ARMC6: variants seen among roughly 807,000 people sequenced by gnomAD.
ARMC6 encodes armadillo repeat-containing protein 6.
Under a neutral mutation model 49.2 loss-of-function variants are expected in ARMC6, and 43 were observed. That is an observed-to-expected ratio of 0.87 (90% confidence interval 0.69 to 1.13). The LOEUF is 1.13. Among genes scored for constraint, ARMC6 ranks in the 50% most tolerant of loss-of-function variants. The pLI, the probability that ARMC6 is intolerant of heterozygous loss-of-function variation, is 0.00. For synonymous variants in ARMC6, 262 were observed against 289.6 expected (o/e 0.90, Z 0.97); for missense variants, 627 against 682.0 (o/e 0.92, Z 0.90).
intron 4 of ARMC6, among the ~76,000 whole-genome samples, chr19:19,050,720 T>C (rs887009451): frequency 3.9e-5 from 6 of 152,244 alleles, no homozygotes; most frequent in African/African-American, 7.2e-5. Flanking sequence ...TCCTGTTGCA[T>C]TGTAACATAT....
At chr19:19,036,796 G>A (rs951617258) in intron 2 of ARMC6, among the ~76,000 whole-genome samples, 1 of 152,224 alleles carries the variant, frequency 6.6e-6, no homozygotes, top group Non-Finnish European at 1.5e-5. Flanking sequence ...TCCATATCCT[G>A]TTCTGAGGAA....
chr19:19,046,930 T>TTTTG (rs1555758325), intron 4 of ARMC6, among the ~76,000 whole-genome samples: 9 of 141,864 alleles, frequency 6.3e-5, no homozygotes, highest in African/African-American at 8.8e-5. Flanking sequence ...CTCACCTGTT[T>TTTTG]TTTTTTTTTT....
intron 4 of ARMC6, 120 bp from the exon 5 acceptor site, chr19:19,051,502 C>G: frequency 3.2e-6 from 3 of 929,310 alleles, no homozygotes; most frequent in South Asian, 3.3e-5. Context: ...TGCCCCACAT[C>G]ACTTCCACTG....
chr19:19,048,232 G>C lies in ARMC6; in HGVS notation c.280-3390G>C, dbSNP rs575296220. On this transcript the variant is annotated intron_variant, in intron 4 of 8. Coordinates refer to ENST00000535612, the MANE Select transcript of ARMC6 (RefSeq NM_001199196.2). ...ATGGTGGCAGGTGCCTGTAACTCCAGCTACTCAGGAGGCTGAGGTAGGAGA... is the reference window on the plus strand; with the variant it reads ...ATGGTGGCAGGTGCCTGTAACTCCACCTACTCAGGAGGCTGAGGTAGGAGA... Among the ~76,000 whole-genome samples, 19 of 152,302 alleles carry C rather than the reference G, an allele frequency of 1.2e-4. 1 individual carries two copies. The South Asian group carries it at 2.3e-3, about 18-fold the overall frequency.
At chr19:19,042,048 C>A (rs1454705697) in intron 2 of ARMC6, among the ~76,000 whole-genome samples, 1 of 151,758 alleles carries the variant, frequency 6.6e-6, no homozygotes. Flanking sequence ...CATGTGCCAC[C>A]ACACTCAGCT....
chr19:19,055,387 C>G lies in ARMC6; in HGVS notation c.1146C>G (p.Thr382=), dbSNP rs1221855739. The part of the protein sequence containing the change: ...SIVAAMTQHL[T]SPQVCEQSCA... ...TGGCTGCTATGACCCAGCATCTGAC[C>G]AGCCCCCAGGTACCCACCTCGGGGG... The change falls in exon 7 of 9, where the codon ACC becomes ACG. Residue 382 remains threonine, a synonymous_variant. Transcript: ENST00000535612. The surrounding 1 kb of genome is among the most constrained non-coding windows in gnomAD (Gnocchi z 5.7). The G allele has an allele frequency of 6.2e-7, 1 of 1,606,740 alleles. No homozygotes were observed. The highest frequency in any genetic ancestry group is 8.5e-7 in the Non-Finnish European group (1 of 1,176,548).
intron 3 of ARMC6, among the ~76,000 whole-genome samples, chr19:19,043,714 C>A (rs527818800): frequency 1.1e-4 from 17 of 152,248 alleles, no homozygotes; most frequent in African/African-American, 4.1e-4. Flanking sequence ...GCATGTGGCA[C>A]CTCACTGCAC....
At chr19:19,054,424 C>A in intron 6 of ARMC6, 103 bp downstream of exon 6, 1 of 1,260,312 alleles carries the variant, frequency 7.9e-7, no homozygotes, top group Non-Finnish European at 1.0e-6. Flanking sequence ...GTGTCGGAAC[C>A]AAAGTGCAGT....
chr19:19,037,583 C>A, intron 2 of ARMC6: 1 of 1,160,730 alleles, frequency 8.6e-7, no homozygotes, highest in Non-Finnish European at 1.1e-6. Flanking sequence ...CCAGGCTGGT[C>A]TCAAACTCCT....
intron 4 of ARMC6, among the ~76,000 whole-genome samples, chr19:19,051,336 G>A (rs757908004): frequency 8.6e-5 from 13 of 151,814 alleles, no homozygotes; most frequent in Middle Eastern, 3.4e-3. Context: ...GCAGCCCTTC[G>A]GCAGGGACAC....
At chr19:19,048,333 C>T (rs953347452) in intron 4 of ARMC6, among the ~76,000 whole-genome samples, 18 of 151,532 alleles carry the variant, frequency 1.2e-4, no homozygotes, top group Admixed American at 8.6e-4. Context: ...GTAACAAGAG[C>T]GAAATTGCAT....
Position 19,055,741 on chromosome 19 carries a change from T to TG in ARMC6, c.1156-44dup, listed in dbSNP as rs1371845037. 4 of 1,521,898 alleles carry TG rather than the reference T, an allele frequency of 2.6e-6. No individual in the cohort carries two copies. Among genetic ancestry groups the TG allele is most frequent in the African/African-American group, 1.4e-5 (1 of 73,178 alleles). The allele number at this position is 1,521,898 out of a possible 1,614,324, so 94.3% of individuals were successfully genotyped here. On this transcript the variant is annotated intron_variant, in intron 7 of 8. Transcript: ENST00000535612. This position sits in a 1 kb window ranked among gnomAD's most constrained non-coding sequence, Gnocchi z 5.7. The stretch of plus-strand genomic sequence containing the variant: ...GGTTGGTGGCCATGGCAGGATGTTG[T>TG]GGGGGGTCTATCTGCTGCATCTCAG...
At chr19:19,038,763 G>A (rs780710612) in intron 2 of ARMC6, among the ~76,000 whole-genome samples, 5 of 151,848 alleles carry the variant, frequency 3.3e-5, no homozygotes, top group Middle Eastern at 3.2e-3. Flanking sequence ...ACGGGGTTTC[G>A]CCATGTTGGT....
Position 19,037,092 on chromosome 19 carries a change from C to T in ARMC6, c.29+2854C>T, listed in dbSNP as rs984891514. On this transcript the variant is annotated intron_variant, in intron 2 of 8. Transcript: ENST00000535612. ...TCTCAGCTACTTGGAGGCTGAGGCA[C>T]AAGAATCGCTTGAACCCAGGAGGCA... 5.3e-5 allele frequency among the ~76,000 whole-genome samples: 8 copies of T among 152,022 alleles called. No homozygotes were observed. In the South Asian group the frequency reaches 6.2e-4, roughly 12 times the overall value.
At chr19:19,035,963 C>A (rs1027863928) in intron 2 of ARMC6, among the ~76,000 whole-genome samples, 1 of 152,114 alleles carries the variant, frequency 6.6e-6, no homozygotes, top group African/African-American at 2.4e-5. Context: ...CTTTGGTCAG[C>A]CTTTCACAGA....
chr19:19,047,392 C>T (rs570647748), intron 4 of ARMC6, among the ~76,000 whole-genome samples: 4 of 152,142 alleles, frequency 2.6e-5, no homozygotes, highest in African/African-American at 7.2e-5. Flanking sequence ...TTGTGATGGT[C>T]GTTGAAATTA....
At position 19,054,335 on chromosome 19, in the gene ARMC6, CT is replaced by C; in HGVS notation, c.1023+15del. On this transcript the variant is annotated intron_variant, in intron 6 of 8. Transcript: ENST00000535612. ...AGCGGCGTTCAGGTATGAAGTCCCC[CT>C]GGCCCATTGCGTGCTGTCCTTCTGG... The C allele has an allele frequency of 2.6e-6, 4 of 1,537,664 alleles. No homozygotes were observed. Among genetic ancestry groups the C allele is most frequent in the Middle Eastern group, 3.5e-4 (2 of 5,754 alleles).
At chr19:19,034,394 A>G (rs2059321546) in intron 2 of ARMC6, among the ~76,000 whole-genome samples, 156 bp downstream of exon 2, 1 of 152,106 alleles carries the variant, frequency 6.6e-6, no homozygotes, top group Admixed American at 6.6e-5. Context: ...GGTGCGGATA[A>G]GGAGGCTGGG....
Position 19,051,963 on chromosome 19 carries a change from G to A in ARMC6, c.621G>A (p.Leu207=), listed in dbSNP as rs1355078798. 7 of 1,614,050 alleles carry A rather than the reference G, an allele frequency of 4.3e-6. No homozygotes were observed. The African/African-American group carries it at 8.0e-5, about 18-fold the overall frequency. The part of the protein sequence containing the change: ...SGIRCVRHAC[L]KHEQNRQDLV... Reference sequence around the variant, plus strand: ...TCCGCTGTGTGCGTCACGCTTGCCTGAAACATGAACAGAATCGGCAAGACC... The same window carrying A: ...TCCGCTGTGTGCGTCACGCTTGCCTAAAACATGAACAGAATCGGCAAGACC... The change falls in exon 5 of 9, where the codon CTG becomes CTA. Residue 207 remains leucine (L), a synonymous_variant. Transcript: ENST00000535612.
Sources: gnomAD v4.1 joint callset for allele counts (sites outside exome capture counted in the v4.1 genomes callset) on GRCh38, gnomAD v4.1.1 for gene constraint, Gnocchi (gnomAD v3.1) non-coding constraint, MANE v1.5 for transcripts, NCBI Gene and HGNC (gene_info 2026-07-23, HGNC 2026-07-21) for gene names.